The following TMEM164 variants were observed in gnomAD, a reference collection of about 807,000 sequenced individuals.
TMEM164 encodes RP13-360B22.2.
TMEM164 carries 4 observed loss-of-function variants against 18.8 expected under a neutral mutation model. The ratio of observed to expected loss-of-function variants is 0.21; its 90% CI spans 0.10 to 0.49. The LOEUF (loss-of-function observed/expected upper bound fraction) is 0.49, where lower values mean the gene tolerates loss of function less well. Among genes scored for constraint, TMEM164 ranks in the 20% least tolerant of loss-of-function variants. The pLI, the probability that TMEM164 is intolerant of heterozygous loss-of-function variation, is 0.98. For missense variants in TMEM164, 108 were observed against 239.9 expected, an observed-to-expected ratio of 0.45 and a Z score of 3.63; for synonymous variants, 86 against 101.7, an observed-to-expected ratio of 0.85 and a Z score of 0.93.
At chrX:110,081,863 T>C (rs907380809) in intron 3 of TMEM164, among the ~76,000 whole-genome samples, 2 of 112,147 alleles carry the variant, frequency 1.8e-5, no homozygotes, top group Non-Finnish European at 3.8e-5. Context: ...CCTGGAGGCA[T>C]GCCCAGCCAC....
At chrX:110,018,382 T>G (rs1933600037) in intron 2 of TMEM164, among the ~76,000 whole-genome samples, 1 of 111,883 alleles carries the variant, frequency 8.9e-6, no homozygotes, top group East Asian at 2.8e-4. Flanking sequence ...TGAGTAATTT[T>G]GGCCATTCAG....
intron 2 of TMEM164, among the ~76,000 whole-genome samples, chrX:110,032,335 TC>T (rs1934551672): frequency 9.0e-6 from 1 of 111,506 alleles, no homozygotes; most frequent in Non-Finnish European, 1.9e-5. Flanking sequence ...TGGCCCTGAC[TC>T]TCCAGTGTGG....
At chrX:110,161,369 A>T (rs1446525340) in intron 5 of TMEM164, among the ~76,000 whole-genome samples, 5 of 111,282 alleles carry the variant, frequency 4.5e-5, no homozygotes. Flanking sequence ...TCCCTGCTCC[A>T]CTATACTGGT....
chrX:110,122,228 T>C (rs1319406191), intron 4 of TMEM164, among the ~76,000 whole-genome samples: 2 of 108,640 alleles, frequency 1.8e-5, no homozygotes, highest in African/African-American at 6.7e-5. Flanking sequence ...ATATACACCA[T>C]GGAATACTAT....
intron 2 of TMEM164, among the ~76,000 whole-genome samples, chrX:110,016,375 T>C (rs1164995222): frequency 8.9e-6 from 1 of 111,927 alleles, no homozygotes; most frequent in Non-Finnish European, 1.9e-5. Context: ...CTGTGGACAT[T>C]AAGGACAGCT....
At position 110,176,235 on chromosome X, in the gene TMEM164, G is replaced by T; in HGVS notation, c.*2784G>T. 1.3e-6 allele frequency: 1 copy of T among 756,776 alleles called. No homozygotes were observed. The highest frequency in any genetic ancestry group is 1.6e-6 in the Non-Finnish European group (1 of 639,678). The allele number at this position is 756,776 out of a possible 1,213,427, so 62.4% of individuals were successfully genotyped here. On this transcript the variant is annotated 3_prime_UTR_variant, in exon 7 of 7. Transcript: ENST00000372068. ...CAGGGATGTGGGCCAAGAACAGTCT[G>T]TGGAGCTGGCCAACTTGTGGCATCC...
intron 6 of TMEM164, 83 bp from the exon 7 acceptor site, chrX:110,173,162 T>G: frequency 3.1e-6 from 3 of 981,086 alleles, no homozygotes; most frequent in Non-Finnish European, 4.3e-6. Flanking sequence ...TAGTCCCCCA[T>G]TAGGTAGAGA....
chrX:110,142,818 A>G (rs2066789679), intron 4 of TMEM164, among the ~76,000 whole-genome samples: 1 of 113,131 alleles, frequency 8.8e-6, no homozygotes, highest in Admixed American at 9.3e-5. Context: ...CCAAAGTCCT[A>G]GCTTGTAACT....
chrX:110,160,889 C>T (rs1331768595), intron 5 of TMEM164, among the ~76,000 whole-genome samples: 1 of 111,879 alleles, frequency 8.9e-6, no homozygotes, highest in Non-Finnish European at 1.9e-5. Context: ...TACAGGCATG[C>T]GTCACCATGC....
chrX:110,107,088 G>T (rs2066214793), intron 3 of TMEM164, among the ~76,000 whole-genome samples: 1 of 112,331 alleles, frequency 8.9e-6, no homozygotes, highest in African/African-American at 3.2e-5. Flanking sequence ...TAAGCCAGGG[G>T]CAGGGAAGGA....
At chrX:110,113,291 C>T (rs1386637257) in intron 4 of TMEM164, among the ~76,000 whole-genome samples, 2 of 112,094 alleles carry the variant, frequency 1.8e-5, no homozygotes, top group Non-Finnish European at 3.8e-5. Flanking sequence ...CTGGGAATGT[C>T]TCCATTTGCC....
intron 2 of TMEM164, among the ~76,000 whole-genome samples, chrX:110,015,487 A>G (rs1227465978): frequency 9.0e-6 from 1 of 111,295 alleles, no homozygotes; most frequent in Non-Finnish European, 1.9e-5. Flanking sequence ...TCTTCATATC[A>G]GCACTTGTTC....
At chrX:110,179,640 C>G (rs1408402026), downstream of TMEM164, among the ~76,000 whole-genome samples, 1 of 112,404 alleles carries the variant, frequency 8.9e-6, no homozygotes. Flanking sequence ...TCTCTGCAGT[C>G]TTCCCTGAGC....
chrX:110,093,744 T>G (rs2065970118), intron 3 of TMEM164, among the ~76,000 whole-genome samples: 1 of 111,727 alleles, frequency 9.0e-6, no homozygotes, highest in African/African-American at 3.3e-5. Flanking sequence ...TGAATGTGTT[T>G]GCTCTTGCTT....
At chrX:110,074,166 C>T (rs2065637724) in intron 3 of TMEM164, among the ~76,000 whole-genome samples, 1 of 111,329 alleles carries the variant, frequency 9.0e-6, no homozygotes, top group African/African-American at 3.3e-5. Context: ...GAGTGAGCCA[C>T]CACGCTTGAC....
intron 4 of TMEM164, among the ~76,000 whole-genome samples, chrX:110,142,723 G>A (rs1417891985): frequency 8.8e-6 from 1 of 113,284 alleles, no homozygotes; most frequent in Non-Finnish European, 1.9e-5. Flanking sequence ...ATGCCAAAAC[G>A]GAGGTGGAGA....
chrX:110,071,971 T>C (rs142943640), intron 3 of TMEM164, among the ~76,000 whole-genome samples: 236 of 110,297 alleles, frequency 2.1e-3, no homozygotes, highest in Non-Finnish European at 3.1e-3. Context: ...GTTCCTTCTT[T>C]TTCTCTTGTC....
chrX:110,105,460 G>C (rs1163875968), intron 3 of TMEM164, among the ~76,000 whole-genome samples: 2 of 109,238 alleles, frequency 1.8e-5, no homozygotes, highest in South Asian at 3.9e-4. Context: ...GCAGGCTGGA[G>C]GGGGGTATAA....
intron 3 of TMEM164, among the ~76,000 whole-genome samples, chrX:110,104,729 A>C (rs1169373045): frequency 8.9e-6 from 1 of 112,078 alleles, no homozygotes; most frequent in Non-Finnish European, 1.9e-5. Flanking sequence ...AATACAATAT[A>C]TAATACATAT....
Sources: allele counts gnomAD v4.1 joint callset (sites outside exome capture counted in the v4.1 genomes callset), GRCh38; gene constraint gnomAD v4.1.1; transcripts MANE v1.5; gene names NCBI Gene and HGNC (gene_info 2026-07-23, HGNC 2026-07-21).